The following TMEM132B variants were observed in gnomAD, a reference collection of about 807,000 sequenced individuals.
TMEM132B encodes the protein transmembrane protein 132B.
TMEM132B carries 18 observed loss-of-function variants against 90.8 expected under a neutral mutation model. The ratio of observed to expected loss-of-function variants is 0.20; its 90% CI spans 0.14 to 0.29. The LOEUF (loss-of-function observed/expected upper bound fraction) is 0.29. Among genes scored for constraint, TMEM132B ranks in the 10% least tolerant of loss-of-function variants. The pLI is 1.00. For missense variants in TMEM132B, 1,096 were observed against 1,326.8 expected, an observed-to-expected ratio of 0.83 and a Z score of 2.70; for synonymous variants, 504 against 523.3, an observed-to-expected ratio of 0.96 and a Z score of 0.50.
At chr12:125,542,821 C>A (rs76119050) in intron 4 of TMEM132B, among the ~76,000 whole-genome samples, 2 of 152,178 alleles carry the variant, frequency 1.3e-5, no homozygotes, top group South Asian at 2.1e-4. Flanking sequence ...CTCTTCGAAG[C>A]CTTGCTTTCT....
rs917786187 is a variant in TMEM132B at position 125,349,571 on chromosome 12, C to A, written c.187C>A (p.Gln63Lys). ...EESFFLKEANQDLTRNSSLQA... is the reference protein window; with the variant it reads ...EESFFLKEANKDLTRNSSLQA... ...GTCCTTTTTCCTTAAAGAAGCCAAC[C>A]AAGACCTCACAAGGAACTCCAGTCT... Residue 63 changes from glutamine (Q) to lysine (K), a missense_variant, in exon 2 of 9, where the codon CAA (glutamine) becomes AAA (lysine). Gln to Lys is a moderately conservative substitution (Grantham distance 53). Coordinates refer to ENST00000682704, the MANE Select transcript of TMEM132B (RefSeq NM_001366854.1). This position sits in a 1 kb window ranked among gnomAD's most constrained non-coding sequence, Gnocchi z 4.1. The A allele has an allele frequency of 1.9e-6, 3 of 1,614,062 alleles. No homozygotes were observed. The African/African-American group carries it at 4.0e-5, about 22-fold the overall frequency.
intron 1 of TMEM132B, among the ~76,000 whole-genome samples, chr12:125,211,796 T>C (rs1445513581): frequency 6.6e-6 from 1 of 152,170 alleles, no homozygotes; most frequent in Non-Finnish European, 1.5e-5. Flanking sequence ...GCCCTCTCTT[T>C]TTCCCATGCC....
chr12:125,444,390 T>A (rs967132420), intron 3 of TMEM132B, among the ~76,000 whole-genome samples: 16 of 152,242 alleles, frequency 1.1e-4, no homozygotes, highest in African/African-American at 3.9e-4. Flanking sequence ...TTATTATAGC[T>A]GTTTATAACT....
intron 4 of TMEM132B, among the ~76,000 whole-genome samples, chr12:125,577,990 A>G (rs1884974812): frequency 6.6e-6 from 1 of 152,088 alleles, no homozygotes; most frequent in African/African-American, 2.4e-5. Flanking sequence ...AGTCCTTTCA[A>G]ATTTGTTGAG....
Position 125,420,185 on chromosome 12 carries a change from C to G in TMEM132B, c.1106+4508C>G, listed in dbSNP as rs144141273. On this transcript the variant is annotated intron_variant, in intron 3 of 8. Transcript: ENST00000682704. Reference sequence around the variant, plus strand: ...CTCTTCTCACAGCTTCACTAGGCAGCACCTCAGTGGGGACTCTGTGTGGGG... The same window carrying G: ...CTCTTCTCACAGCTTCACTAGGCAGGACCTCAGTGGGGACTCTGTGTGGGG... Among the ~76,000 whole-genome samples, 19 of 152,356 alleles carry G rather than the reference C, an allele frequency of 1.2e-4. No individual in the cohort carries two copies. In the East Asian group the frequency reaches 3.7e-3, roughly 29 times the overall value.
intron 1 of TMEM132B, among the ~76,000 whole-genome samples, chr12:125,235,625 C>T (rs769493983): frequency 2.6e-4 from 39 of 152,104 alleles, no homozygotes; most frequent in Non-Finnish European, 4.6e-4. Flanking sequence ...CTCCCTAATC[C>T]TCTGCCCCAG....
rs553562063 is a variant in TMEM132B, at chr12:125,415,215, G to A, written c.960-316G>A. Among the ~76,000 whole-genome samples, 3 of 152,258 alleles carry A rather than the reference G, an allele frequency of 2.0e-5. No homozygotes were observed. The highest frequency in any genetic ancestry group is 2.9e-5 in the Non-Finnish European group (2 of 68,016). Reference sequence around the variant, plus strand: ...CTTGCAGATCCATCTCTTCTGGCCCGAGGCATCTGTCTCATTTGCATCATG... The same window carrying A: ...CTTGCAGATCCATCTCTTCTGGCCCAAGGCATCTGTCTCATTTGCATCATG... On this transcript the variant is annotated intron_variant, in intron 2 of 8. Transcript: ENST00000682704. This position sits in a 1 kb window ranked among gnomAD's most constrained non-coding sequence, Gnocchi z 5.3.
chr12:125,481,858 C>G (rs577328008), intron 3 of TMEM132B, among the ~76,000 whole-genome samples: 1 of 152,196 alleles, frequency 6.6e-6, no homozygotes, highest in South Asian at 2.1e-4. Flanking sequence ...AACTATACTA[C>G]AAGGCTACAG....
intron 5 of TMEM132B, among the ~76,000 whole-genome samples, chr12:125,601,542 A>T (rs541031796): frequency 6.6e-6 from 1 of 152,318 alleles, no homozygotes; most frequent in Admixed American, 6.5e-5. Context: ...CCCTAACATC[A>T]CACTTAAAAG....
At position 125,520,209 on chromosome 12, in the gene TMEM132B, G is replaced by A. The variant is rs548311397; in HGVS notation, c.1293+584G>A. ...AAGTTACGTTCATAGTCAAGCTCAG[G>A]GGCTACATCTGAGATCAGGGTCATG... On this transcript the variant is annotated intron_variant, in intron 4 of 8. Transcript: ENST00000682704. 4.6e-5 allele frequency among the ~76,000 whole-genome samples: 7 copies of A among 152,216 alleles called. No homozygotes were observed. In the South Asian group the frequency reaches 1.2e-3, roughly 27 times the overall value.
At chr12:125,412,912 A>T (rs906629800) in intron 2 of TMEM132B, among the ~76,000 whole-genome samples, 2 of 152,094 alleles carry the variant, frequency 1.3e-5, no homozygotes, top group African/African-American at 2.4e-5. Context: ...TGGACCCCAG[A>T]ATTCAGCGGA....
chr12:125,370,535 G>T lies in TMEM132B; in HGVS notation c.959+20192G>T, dbSNP rs150236986. On this transcript the variant is annotated intron_variant, in intron 2 of 8. Transcript: ENST00000682704. ...TAGGGAATTGTAGGTATTTAACTGG[G>T]CATCTGGGCAGTCCCTTCTCCCCCC... is the stretch of plus-strand genomic sequence containing the variant. Among the ~76,000 whole-genome samples the T allele has an allele frequency of 8.1e-4, 124 of 152,256 alleles. 1 individual carries two copies. Among genetic ancestry groups the T allele is most frequent in the African/African-American group, 2.9e-3 (121 of 41,530 alleles).
chr12:125,539,211 G>T (rs1478588846), intron 4 of TMEM132B, among the ~76,000 whole-genome samples: 4 of 152,194 alleles, frequency 2.6e-5, no homozygotes, highest in African/African-American at 9.7e-5. Context: ...AGAGGTCTGT[G>T]TGCCTTCTCT....
chr12:125,608,106 A>T (rs765577382), intron 5 of TMEM132B, among the ~76,000 whole-genome samples: 2 of 152,198 alleles, frequency 1.3e-5, no homozygotes, highest in Non-Finnish European at 2.9e-5. Flanking sequence ...GCGTATACTT[A>T]GGAGTGGAAT....
At position 125,407,969 on chromosome 12, in the gene TMEM132B, C is replaced by T. The variant is rs916703314; in HGVS notation, c.960-7562C>T. Among the ~76,000 whole-genome samples the T allele has an allele frequency of 4.6e-5, 7 of 152,180 alleles. No individual in the cohort carries two copies. The highest frequency in any genetic ancestry group is 8.8e-5 in the Non-Finnish European group (6 of 68,044). ...TGAGTTCTCACAACCACCAAGTAAT[C>T]GGCATGCAGAAGGAGAGACAGAGCA... On this transcript the variant is annotated intron_variant, in intron 2 of 8. Transcript: ENST00000682704. This position sits in a 1 kb window ranked among gnomAD's most constrained non-coding sequence, Gnocchi z 6.7.
intron 3 of TMEM132B, among the ~76,000 whole-genome samples, chr12:125,472,978 A>G (rs1881763660): frequency 6.6e-6 from 1 of 152,158 alleles, no homozygotes; most frequent in African/African-American, 2.4e-5. Flanking sequence ...AAAGAATACT[A>G]CCTTGGCTGC....
At position 125,550,459 on chromosome 12, in the gene TMEM132B, G is replaced by A. The variant is rs572637265; in HGVS notation, c.1293+30834G>A. On this transcript the variant is annotated intron_variant, in intron 4 of 8. Coordinates refer to ENST00000682704, the MANE Select transcript of TMEM132B (RefSeq NM_001366854.1). Reference sequence around the variant, plus strand: ...TTACTGCATTTCTGTGCAGTTACTGGTGCGGTTTCTGTCTCCTGGCTGTAC... The same window carrying A: ...TTACTGCATTTCTGTGCAGTTACTGATGCGGTTTCTGTCTCCTGGCTGTAC... Among the ~76,000 whole-genome samples the A allele has an allele frequency of 7.9e-5, 12 of 152,142 alleles. No individual in the cohort carries two copies. In the South Asian group the frequency reaches 2.5e-3, roughly 32 times the overall value.
rs562563735 is a variant in TMEM132B, at chr12:125,604,443, T to C, written c.1437+20449T>C. Among the ~76,000 whole-genome samples, 14 of 149,792 alleles carry C rather than the reference T, an allele frequency of 9.3e-5. No individual in the cohort carries two copies. The South Asian group carries it at 3.0e-3, about 32-fold the overall frequency. ...GGGGAACAATACACACCGGGGCCAG[T>C]TGGGGGGTTGTGGGGGAGGGGAGGG... is the stretch of plus-strand genomic sequence containing the variant. On this transcript the variant is annotated intron_variant, in intron 5 of 8. Transcript: ENST00000682704.
chr12:125,297,760 G>C (rs1875708033), intron 1 of TMEM132B, among the ~76,000 whole-genome samples: 3 of 152,156 alleles, frequency 2.0e-5, no homozygotes, highest in South Asian at 2.1e-4. Flanking sequence ...GGGAGGAACA[G>C]GGACAGGATC....
Sources: gnomAD v4.1 joint callset for allele counts (sites outside exome capture counted in the v4.1 genomes callset) on GRCh38, gnomAD v4.1.1 for gene constraint, Gnocchi (gnomAD v3.1) non-coding constraint, MANE v1.5 for transcripts, NCBI Gene and HGNC (gene_info 2026-07-23, HGNC 2026-07-21) for gene names.